Variants in NME7 observed in about 807,000 individuals in gnomAD.
NME7 encodes the protein nucleoside diphosphate kinase 7.
In NME7, 41 loss-of-function variants were observed where a neutral mutation model predicts 49.1. The observed-to-expected ratio is 0.83, with a 90% CI of 0.65 to 1.08. The LOEUF is 1.08. NME7 is among the 50% of genes least tolerant of loss of function. NME7 has a pLI of 0.00. For missense variants in NME7, 423 were observed against 463.4 expected (o/e 0.91, Z 0.80); for synonymous variants, 139 against 150.6 (o/e 0.92, Z 0.56).
At chr1:169,155,529 C>T (rs1466298644) in intron 11 of NME7, among the ~76,000 whole-genome samples, 2 of 152,176 alleles carry the variant, frequency 1.3e-5, no homozygotes, top group South Asian at 2.1e-4. Flanking sequence ...TGGACTGCTT[C>T]GACCATCATG....
chr1:169,303,884 T>G (rs1297712683), intron 4 of NME7, among the ~76,000 whole-genome samples: 1 of 152,212 alleles, frequency 6.6e-6, no homozygotes. Context: ...TAATTAAAAA[T>G]TTGTCATTTT....
At chr1:169,275,263 CTGTT>C (rs1303266815) in intron 7 of NME7, among the ~76,000 whole-genome samples, 17 of 130,412 alleles carry the variant, frequency 1.3e-4, no homozygotes, top group African/African-American at 4.4e-4. Context: ...ATTTGGCTCT[CTGTT>C]TGTCTGTTAT....
At chr1:169,209,858 T>A (rs1660764780) in intron 10 of NME7, among the ~76,000 whole-genome samples, 2 of 152,152 alleles carry the variant, frequency 1.3e-5, no homozygotes, top group South Asian at 4.1e-4. Context: ...TCCCCAGATT[T>A]AGGGCCTCTA....
intron 10 of NME7, among the ~76,000 whole-genome samples, chr1:169,179,581 G>A (rs1659866082): frequency 6.6e-6 from 1 of 152,120 alleles, no homozygotes; most frequent in African/African-American, 2.4e-5. Flanking sequence ...ATTATAGACT[G>A]GATAAAGAAA....
intron 2 of NME7, 144 bp downstream of exon 2, chr1:169,324,248 TG>T: frequency 2.1e-6 from 1 of 474,242 alleles, no homozygotes; most frequent in Non-Finnish European, 3.8e-6. Flanking sequence ...GGAATTATAA[TG>T]AATAAGTTTA....
chr1:169,355,937 G>A (rs992541415), intron 1 of NME7, among the ~76,000 whole-genome samples: 1 of 152,094 alleles, frequency 6.6e-6, no homozygotes, highest in Admixed American at 6.6e-5. Flanking sequence ...AATGAATGAA[G>A]CTAGAGCTCT....
At chr1:169,160,515 T>G (rs1178264024) in intron 11 of NME7, among the ~76,000 whole-genome samples, 1 of 152,122 alleles carries the variant, frequency 6.6e-6, no homozygotes, top group Admixed American at 6.6e-5. Context: ...ATATATAGTA[T>G]ATATTATATA....
At chr1:169,141,036 C>A (rs999465092) in intron 11 of NME7, among the ~76,000 whole-genome samples, 1 of 152,132 alleles carries the variant, frequency 6.6e-6, no homozygotes, top group African/African-American at 2.4e-5. Context: ...TAAACATTAA[C>A]CCTAATCTCA....
intron 7 of NME7, among the ~76,000 whole-genome samples, chr1:169,243,760 T>G (rs1350471089): frequency 6.6e-6 from 1 of 152,182 alleles, no homozygotes; most frequent in Admixed American, 6.5e-5. Context: ...GGGAAATACA[T>G]GTTTGTTGTT....
chr1:169,291,830 T>C (rs1461128533), intron 6 of NME7, among the ~76,000 whole-genome samples: 1 of 152,118 alleles, frequency 6.6e-6, no homozygotes, highest in Non-Finnish European at 1.5e-5. Context: ...TTTTAATTGA[T>C]ATATTCATAG....
intron 7 of NME7, among the ~76,000 whole-genome samples, chr1:169,238,120 C>A (rs1647932865): frequency 6.6e-6 from 1 of 151,000 alleles, no homozygotes; most frequent in South Asian, 2.1e-4. Flanking sequence ...GAAGAAGCTT[C>A]ACGGGGAAAT....
chr1:169,288,673 T>A (rs1650371649), intron 6 of NME7, among the ~76,000 whole-genome samples: 1 of 152,206 alleles, frequency 6.6e-6, no homozygotes, highest in Non-Finnish European at 1.5e-5. Context: ...ACCTGAGCAT[T>A]TCCAGTGGTA....
chr1:169,137,720 T>A (rs1031347347), intron 11 of NME7, among the ~76,000 whole-genome samples: 6 of 152,222 alleles, frequency 3.9e-5, no homozygotes, highest in African/African-American at 1.4e-4. Context: ...GCTCCCAAAA[T>A]ATGGGGCTCA....
intron 1 of NME7, among the ~76,000 whole-genome samples, chr1:169,348,556 A>G (rs1296617106): frequency 6.6e-6 from 1 of 152,164 alleles, no homozygotes; most frequent in Admixed American, 6.5e-5. Flanking sequence ...AATATGATTA[A>G]AATTAATAAG....
intron 10 of NME7, among the ~76,000 whole-genome samples, chr1:169,204,914 G>C (rs149543288): frequency 7.9e-4 from 120 of 152,092 alleles, no homozygotes; most frequent in East Asian, 6.4e-3. Flanking sequence ...AATTCCATTG[G>C]AAGTTTCTTT....
At chr1:169,357,761 G>A (rs1028329973) in intron 1 of NME7, among the ~76,000 whole-genome samples, 4 of 151,980 alleles carry the variant, frequency 2.6e-5, no homozygotes, top group Non-Finnish European at 5.9e-5. Flanking sequence ...GAGTCTAAGT[G>A]GCAAGAAACA....
chr1:169,337,974 T>C (rs1195612938), intron 1 of NME7, among the ~76,000 whole-genome samples: 1 of 152,150 alleles, frequency 6.6e-6, no homozygotes, highest in Non-Finnish European at 1.5e-5. Flanking sequence ...TCTTCATAAA[T>C]CTATCTTGTA....
chr1:169,339,995 G>C (rs978253103), intron 1 of NME7, among the ~76,000 whole-genome samples: 1 of 128,474 alleles, frequency 7.8e-6, no homozygotes, highest in African/African-American at 3.2e-5. Flanking sequence ...GATAGGTCAA[G>C]AAGTAGTAAA....
At chr1:169,329,473 C>T (rs1023080574) in intron 1 of NME7, among the ~76,000 whole-genome samples, 1 of 144,182 alleles carries the variant, frequency 6.9e-6, no homozygotes. Context: ...TTCAGAATTC[C>T]ATCAAATAAA....
Sources: allele counts gnomAD v4.1 joint callset (sites outside exome capture counted in the v4.1 genomes callset), GRCh38; gene constraint gnomAD v4.1.1; transcripts MANE v1.5; gene names NCBI Gene and HGNC (gene_info 2026-07-23, HGNC 2026-07-21).